The following CFAP91 variants were observed in gnomAD, a reference collection of about 807,000 sequenced individuals.
The protein encoded by CFAP91 is cilia and flagella associated protein 91, also known as cilia- and flagella-associated protein 91.
A neutral mutation model predicts 95.9 loss-of-function variants in CFAP91; 85 were observed. That is an observed-to-expected ratio of 0.89 (90% CI 0.74 to 1.06). The LOEUF (loss-of-function observed/expected upper bound fraction) is 1.06, where lower values mean the gene tolerates loss of function less well. Ranked by LOEUF, CFAP91 falls within the 50% of genes least tolerant of loss-of-function variation. CFAP91 has a pLI of 0.00. For synonymous variants in CFAP91, 335 were observed against 327.5 expected (o/e 1.02, Z -0.25); for missense variants, 962 against 943.4 (o/e 1.02, Z -0.26).
At chr3:119,745,157 A>G (rs1298456666) in intron 14 of CFAP91, among the ~76,000 whole-genome samples, 2 of 152,242 alleles carry the variant, frequency 1.3e-5, no homozygotes, top group African/African-American at 4.8e-5. Context: ...GTACTCAGCT[A>G]TGGACCCACA....
At chr3:119,729,893 A>C (rs760630007) in intron 7 of CFAP91, among the ~76,000 whole-genome samples, 8 of 152,180 alleles carry the variant, frequency 5.3e-5, no homozygotes, top group Non-Finnish European at 1.0e-4. Context: ...CTCCAGGAAT[A>C]CCACTCAACC....
intron 17 of CFAP91, among the ~76,000 whole-genome samples, chr3:119,758,443 A>G (rs1203684349): frequency 6.6e-6 from 1 of 152,202 alleles, no homozygotes; most frequent in Non-Finnish European, 1.5e-5. Context: ...CCATTCCTAC[A>G]TATATTTGCA....
rs1201518410 is a variant in CFAP91, at chr3:119,715,633, C to G, written c.572C>G (p.Thr191Ser). ...LSIPSKSTVG[T>S]QTDYRDADVQ... ...ATCCCTTCAAAGTCTACTGTGGGCA[C>G]TCAGACTGATTATCGGGATGCTGAC... Residue 191 changes from threonine (T) to serine (S), a missense_variant, in exon 6 of 18, where the codon ACT becomes AGT. Thr to Ser is a moderately conservative substitution (Grantham distance 58, BLOSUM62 1). Transcript: ENST00000273390. The G allele has an allele frequency of 6.2e-7, 1 of 1,613,632 alleles. No homozygotes were observed. The highest frequency in any genetic ancestry group is 8.5e-7 in the Non-Finnish European group (1 of 1,179,526).
rs1328829905 is a variant in CFAP91 at position 119,766,998 on chromosome 3, TCTTTTA to T, written c.*1952_*1957del. On this transcript the variant is annotated 3_prime_UTR_variant, in exon 18 of 18. Transcript: ENST00000273390. ...GAAAACTTTTTCTTGATACCGGCAA[TCTTTTA>T]CTTATAATGGCTTGAGTTAAAATGC... The T allele has an allele frequency of 6.6e-6, 1 of 152,230 alleles. No homozygotes were observed. The highest frequency in any genetic ancestry group is 1.9e-4 in the East Asian group (1 of 5,202). The allele number at this position is 152,230 out of a possible 1,614,324, so 9.4% of individuals were successfully genotyped here.
chr3:119,738,148 A>T lies in CFAP91; in HGVS notation c.1461+666A>T, dbSNP rs541334715. 3.9e-5 allele frequency among the ~76,000 whole-genome samples: 6 copies of T among 152,202 alleles called. No individual in the cohort carries two copies. In the South Asian group the frequency reaches 8.3e-4, roughly 21 times the overall value. On this transcript the variant is annotated intron_variant, in intron 11 of 17. Coordinates refer to ENST00000273390, the MANE Select transcript of CFAP91 (RefSeq NM_033364.4). ...CCTCACAAGAAGCCAGATTGTATTC[A>T]GAAGGCTGATGTGTTTCTTGGCTGA...
chr3:119,733,167 A>G (rs2053935475), intron 9 of CFAP91, among the ~76,000 whole-genome samples, 197 bp from the exon 10 acceptor site: 2 of 152,222 alleles, frequency 1.3e-5, no homozygotes, highest in Admixed American at 6.5e-5. Flanking sequence ...TGTACAGTCT[A>G]AGTCACTGAC....
chr3:119,747,615 C>G (rs1416222444), intron 15 of CFAP91, 196 bp from the exon 16 acceptor site: 10 of 590,980 alleles, frequency 1.7e-5, no homozygotes, highest in Non-Finnish European at 2.9e-5. Flanking sequence ...GGCAGGGTAA[C>G]TGAAGGACAG....
chr3:119,739,107 A>G (rs971954806), intron 11 of CFAP91, 148 bp from the exon 12 acceptor site: 2 of 661,020 alleles, frequency 3.0e-6, no homozygotes, highest in African/African-American at 1.8e-5. Flanking sequence ...TATATGTTCA[A>G]TAAGGGCAGG....
At chr3:119,713,833 T>G (rs1443147234) in intron 5 of CFAP91, among the ~76,000 whole-genome samples, 2 of 152,058 alleles carry the variant, frequency 1.3e-5, no homozygotes, top group Non-Finnish European at 2.9e-5. Flanking sequence ...TTTTTCTTCT[T>G]TACAATGAAT....
At chr3:119,703,251 G>C (rs1338823421) in intron 1 of CFAP91, 29 bp downstream of exon 1, 3 of 1,608,256 alleles carry the variant, frequency 1.9e-6, no homozygotes, top group African/African-American at 2.7e-5. Flanking sequence ...CTTCCTCCGC[G>C]TCCGTCGCCT....
Position 119,703,215 on chromosome 3 carries a change from T to C in CFAP91, c.117T>C (p.Phe39=), listed in dbSNP as rs754015670. Residue 39 remains phenylalanine, a synonymous_variant, in exon 1 of 18, where the codon TTT becomes TTC. Coordinates refer to ENST00000273390, the MANE Select transcript of CFAP91 (RefSeq NM_033364.4). Reference sequence around the variant, plus strand: ...TCTCCTCCAATCGAGCGTATGATTTTCTGTACGGTAAGGACCGCCGCAGAC... The same window carrying C: ...TCTCCTCCAATCGAGCGTATGATTTCCTGTACGGTAAGGACCGCCGCAGAC... ...SHISSNRAYD[F]LYDPLFIVSS... The C allele has an allele frequency of 3.1e-6, 5 of 1,612,234 alleles. No individual in the cohort carries two copies. The highest frequency in any genetic ancestry group is 3.4e-6 in the Non-Finnish European group (4 of 1,179,248).
intron 9 of CFAP91, among the ~76,000 whole-genome samples, chr3:119,732,813 A>G (rs1411950723): frequency 6.6e-6 from 1 of 152,254 alleles, no homozygotes; most frequent in Non-Finnish European, 1.5e-5. Flanking sequence ...TCAACCTTTT[A>G]TAAAGAAATG....
rs749463624 is a variant in CFAP91, at chr3:119,708,548, G to C, written c.360-43G>C. ...AAATATTAAATAGAAATTATATGTG[G>C]AAATATTTTAGACTTGAATAATGTT... On this transcript the variant is annotated intron_variant, in intron 3 of 17. Coordinates refer to ENST00000273390, the MANE Select transcript of CFAP91 (RefSeq NM_033364.4). 7.8e-6 allele frequency: 10 copies of C among 1,279,298 alleles called. No homozygotes were observed. In the South Asian group the frequency reaches 1.2e-4, roughly 16 times the overall value. 79.2% of individuals were successfully genotyped at this position (1,279,298 alleles called of 1,614,324 possible). A position where few individuals can be genotyped will look rare whatever the true frequency, so the allele number is the denominator to read the frequency against.
At chr3:119,751,299 A>G (rs2054320789) in intron 17 of CFAP91, among the ~76,000 whole-genome samples, 1 of 152,240 alleles carries the variant, frequency 6.6e-6, no homozygotes, top group South Asian at 2.1e-4. Flanking sequence ...ATATTACAGC[A>G]ATTAGACTCT....
chr3:119,760,292 G>T (rs1290487179), intron 17 of CFAP91, among the ~76,000 whole-genome samples: 5 of 151,780 alleles, frequency 3.3e-5, no homozygotes, highest in Middle Eastern at 3.4e-3. Flanking sequence ...AGACCAAAAA[G>T]GTCATTGTGT....
intron 10 of CFAP91, among the ~76,000 whole-genome samples, chr3:119,734,555 T>A (rs956463978): frequency 2.0e-5 from 3 of 152,236 alleles, no homozygotes; most frequent in Non-Finnish European, 4.4e-5. Context: ...GTATATTTTT[T>A]AATTATTGTA....
intron 13 of CFAP91, 131 bp from the exon 14 acceptor site, chr3:119,743,844 T>A: frequency 1.2e-6 from 1 of 812,074 alleles, no homozygotes; most frequent in South Asian, 2.1e-5. Context: ...AGAGGTAATA[T>A]TCCCAGTAAA....
At chr3:119,710,357 C>T (rs1387287103) in intron 5 of CFAP91, 2 of 156,790 alleles carry the variant, frequency 1.3e-5, no homozygotes, top group Admixed American at 1.3e-4. Context: ...TGTGTCTTCA[C>T]ATGGCAGAAG....
At chr3:119,728,543 T>A (rs982443256) in intron 7 of CFAP91, among the ~76,000 whole-genome samples, 1 of 152,194 alleles carries the variant, frequency 6.6e-6, no homozygotes, top group Admixed American at 6.5e-5. Flanking sequence ...ACATGGAAAA[T>A]TGAACCTAGC....
Sources: gnomAD v4.1 joint callset for allele counts (sites outside exome capture counted in the v4.1 genomes callset) on GRCh38, gnomAD v4.1.1 for gene constraint, MANE v1.5 for transcripts, NCBI Gene and HGNC (gene_info 2026-07-23, HGNC 2026-07-21) for gene names.